The following ZCCHC17 variants were observed in gnomAD, a reference collection of about 807,000 sequenced individuals.
The protein encoded by ZCCHC17 is zinc finger CCHC-type containing 17.
ZCCHC17 carries 18 observed loss-of-function variants against 30.6 expected under a neutral mutation model. The ratio of observed to expected loss-of-function variants is 0.59; its 90% confidence interval spans 0.41 to 0.87. The LOEUF is 0.87. ZCCHC17 is among the 40% of genes least tolerant of loss of function. The pLI is 0.00. For synonymous variants in ZCCHC17, 88 were observed against 92.4 expected (o/e 0.95, Z 0.27); for missense variants, 263 against 284.2 (o/e 0.93, Z 0.54).
At chr1:31,350,447 C>T (rs968867829) in intron 7 of ZCCHC17, among the ~76,000 whole-genome samples, 15 of 151,912 alleles carry the variant, frequency 9.9e-5, no homozygotes, top group Non-Finnish European at 2.1e-4. Flanking sequence ...TCTCGGTGAT[C>T]CTATCCCTCC....
At chr1:31,363,805 C>T (rs1640023086) in intron 7 of ZCCHC17, among the ~76,000 whole-genome samples, 2 of 152,032 alleles carry the variant, frequency 1.3e-5, no homozygotes, top group Admixed American at 1.3e-4. Context: ...AAGTGGTCCC[C>T]TATTGATTGT....
In ZCCHC17 at chr1:31,319,063, A is replaced by G. The variant is rs376878822; in HGVS notation, c.67-46A>G. 4 of 1,579,654 alleles carry G rather than the reference A, an allele frequency of 2.5e-6. No individual in the cohort carries two copies. The African/African-American group carries it at 4.0e-5, about 16-fold the overall frequency. ...GACTAGGTTAAATGCTACAGAAGAA[A>G]GATTCTCATGTATGTGACATTGATT... On this transcript the variant is annotated intron_variant, in intron 2 of 7. Transcript: ENST00000344147.
At chr1:31,306,446 G>C (rs181654997) in intron 1 of ZCCHC17, among the ~76,000 whole-genome samples, 2 of 152,258 alleles carry the variant, frequency 1.3e-5, no homozygotes, top group Non-Finnish European at 2.9e-5. Flanking sequence ...TGGACAAAGG[G>C]GATGATTCAT....
intron 3 of ZCCHC17, among the ~76,000 whole-genome samples, chr1:31,321,023 T>A (rs1025443618): frequency 6.6e-6 from 1 of 152,232 alleles, no homozygotes; most frequent in Non-Finnish European, 1.5e-5. Context: ...CCCTAATAGC[T>A]AATGATGTTA....
At chr1:31,309,971 C>A in intron 1 of ZCCHC17, 73 bp from the exon 2 acceptor site, 2 of 789,594 alleles carry the variant, frequency 2.5e-6, no homozygotes, top group Non-Finnish European at 4.3e-6. Context: ...TAGAGAATAG[C>A]TGTGGATTGT....
intron 7 of ZCCHC17, among the ~76,000 whole-genome samples, chr1:31,353,273 A>G (rs1479055389): frequency 1.3e-5 from 2 of 152,218 alleles, no homozygotes; most frequent in Non-Finnish European, 2.9e-5. Flanking sequence ...TCTGGATATC[A>G]ATCCCATCAG....
intron 2 of ZCCHC17, among the ~76,000 whole-genome samples, chr1:31,312,332 G>A (rs1646624985): frequency 6.6e-6 from 1 of 152,196 alleles, no homozygotes. Context: ...CATGAGGGCT[G>A]AGTTGTGTCT....
At position 31,329,679 on chromosome 1, in the gene ZCCHC17, A is replaced by G. The variant is rs574663226; in HGVS notation, c.125-7496A>G. Among the ~76,000 whole-genome samples the G allele has an allele frequency of 3.9e-4, 60 of 152,286 alleles. No homozygotes were observed. In the Middle Eastern group the frequency reaches 0.017, roughly 43 times the overall value. ...ATTGTGGAACGGTTAGGCTGTTTGG[A>G]TGAGTCAGGGCATAGTACAATACTT... On this transcript the variant is annotated intron_variant, in intron 3 of 7. Transcript: ENST00000344147.
intron 5 of ZCCHC17, among the ~76,000 whole-genome samples, chr1:31,344,410 C>T (rs1639164804): frequency 1.3e-5 from 2 of 152,164 alleles, no homozygotes; most frequent in South Asian, 2.1e-4. Flanking sequence ...ATGTTTTGTT[C>T]GTTTTGGTAT....
At chr1:31,318,565 C>G (rs1646789249) in intron 2 of ZCCHC17, among the ~76,000 whole-genome samples, 1 of 151,992 alleles carries the variant, frequency 6.6e-6, no homozygotes, top group Admixed American at 6.6e-5. Context: ...ATCTAGTTGT[C>G]TTGATGAAAC....
At chr1:31,307,412 C>CTT (rs1183496022) in intron 1 of ZCCHC17, among the ~76,000 whole-genome samples, 3 of 141,676 alleles carry the variant, frequency 2.1e-5, no homozygotes, top group Non-Finnish European at 3.1e-5. Flanking sequence ...CTGCTTTAGA[C>CTT]TTTTTTTTTT....
intron 1 of ZCCHC17, among the ~76,000 whole-genome samples, chr1:31,300,835 C>T (rs1379370485): frequency 6.6e-6 from 1 of 151,620 alleles, no homozygotes; most frequent in Non-Finnish European, 1.5e-5. Context: ...ACTCGGGAGG[C>T]TGAGGCAGGA....
intron 3 of ZCCHC17, among the ~76,000 whole-genome samples, chr1:31,327,250 A>T (rs1328221114): frequency 2.0e-5 from 3 of 151,984 alleles, no homozygotes; most frequent in Non-Finnish European, 4.4e-5. Context: ...GATCTCACAA[A>T]TTTAAGGGAC....
intron 3 of ZCCHC17, among the ~76,000 whole-genome samples, chr1:31,327,490 T>C (rs1435264698): frequency 1.3e-5 from 2 of 152,234 alleles, no homozygotes; most frequent in Admixed American, 1.3e-4. Context: ...TTTGAAAATA[T>C]TAAAGGGAAA....
intron 3 of ZCCHC17, among the ~76,000 whole-genome samples, chr1:31,328,502 T>A (rs1361716214): frequency 6.6e-6 from 1 of 152,080 alleles, no homozygotes; most frequent in East Asian, 1.9e-4. Flanking sequence ...AACAAGACCC[T>A]GTCTCAAAAA....
intron 5 of ZCCHC17, 195 bp from the exon 6 acceptor site, chr1:31,346,445 T>C (rs1360204614): frequency 1.9e-6 from 1 of 515,936 alleles, no homozygotes; most frequent in Non-Finnish European, 3.4e-6. Flanking sequence ...GAGATGAAGG[T>C]TAGTCTCATT....
At chr1:31,311,676 G>A (rs1310535644) in intron 2 of ZCCHC17, among the ~76,000 whole-genome samples, 1 of 152,152 alleles carries the variant, frequency 6.6e-6, no homozygotes, top group Non-Finnish European at 1.5e-5. Flanking sequence ...CAGAAGGAGC[G>A]AACTCACCCT....
Position 31,364,151 on chromosome 1 carries a change from G to T in ZCCHC17, c.684G>T (p.Lys228Asn). The T allele has an allele frequency of 6.2e-7, 1 of 1,613,850 alleles. No homozygotes were observed. Among genetic ancestry groups the T allele is most frequent in the Non-Finnish European group, 8.5e-7 (1 of 1,179,882 alleles). Residue 228 changes from lysine to asparagine, a missense_variant, in exon 8 of 8, where the codon AAG becomes AAT. Physicochemically the swap from Lys to Asn is moderately conservative, Grantham distance 94. Coordinates refer to ENST00000344147, the MANE Select transcript of ZCCHC17 (RefSeq NM_016505.4). Reference protein sequence around the residue: ...HTSKDSKAAKKKKKKKKHKKK... With the variant: ...HTSKDSKAAKNKKKKKKHKKK... Reference sequence around the variant, plus strand: ...CAAAAGACAGCAAGGCAGCAAAGAAGAAGAAAAAGAAGAAGAAGCACAAGA... The same window carrying T: ...CAAAAGACAGCAAGGCAGCAAAGAATAAGAAAAAGAAGAAGAAGCACAAGA...
intron 7 of ZCCHC17, among the ~76,000 whole-genome samples, chr1:31,350,088 G>C (rs1049474184): frequency 6.6e-6 from 1 of 152,142 alleles, no homozygotes; most frequent in African/African-American, 2.4e-5. Context: ...AGATATTATT[G>C]TGGTCCAGAA....
Sources: allele counts gnomAD v4.1 joint callset (sites outside exome capture counted in the v4.1 genomes callset), GRCh38; gene constraint gnomAD v4.1.1; transcripts MANE v1.5; gene names NCBI Gene and HGNC (gene_info 2026-07-23, HGNC 2026-07-21).